Variants in ATP6V0A4 observed in about 807,000 individuals in gnomAD.
ATP6V0A4 encodes the protein V-type proton ATPase 116 kDa subunit a 4.
ATP6V0A4 carries 86 observed loss-of-function variants against 107.3 expected under a neutral mutation model. That is an observed-to-expected ratio of 0.80 (90% CI 0.67 to 0.96). ATP6V0A4 has a LOEUF of 0.96. Ranked by LOEUF, ATP6V0A4 falls within the 40% of genes least tolerant of loss-of-function variation. The pLI, the probability that ATP6V0A4 is intolerant of heterozygous loss-of-function variation, is 0.00. For missense variants in ATP6V0A4, 908 were observed against 1,045.6 expected, an observed-to-expected ratio of 0.87 and a Z score of 1.81; for synonymous variants, 353 against 381.4, an observed-to-expected ratio of 0.93 and a Z score of 0.87.
intron 2 of ATP6V0A4, among the ~76,000 whole-genome samples, chr7:138,785,275 T>A (rs539713643): frequency 7.6e-6 from 1 of 131,200 alleles, no homozygotes; most frequent in African/African-American, 2.9e-5. Context: ...CACTTTCTTT[T>A]TTCTTTTTTT....
At chr7:138,783,547 G>C (rs1423250758) in intron 2 of ATP6V0A4, among the ~76,000 whole-genome samples, 1 of 152,082 alleles carries the variant, frequency 6.6e-6, no homozygotes, top group Non-Finnish European at 1.5e-5. Context: ...GCAGCATAGT[G>C]AGAAATCATC....
At position 138,759,582 on chromosome 7, in the gene ATP6V0A4, T is replaced by C. The variant is rs532688331; in HGVS notation, c.639+170A>G. Among the ~76,000 whole-genome samples, 83 of 152,122 alleles carry C rather than the reference T, an allele frequency of 5.5e-4. No individual in the cohort carries two copies. The Middle Eastern group carries it at 0.01, about 19-fold the overall frequency. The stretch of plus-strand genomic sequence containing the variant: ...AGTCCTTGAACTGACCTTTCAAATA[T>C]ATATTTTTAAAAAGGAACAAAGTAA... On this transcript the variant is annotated intron_variant, in intron 8 of 21. Transcript: ENST00000310018.
intron 18 of ATP6V0A4, among the ~76,000 whole-genome samples, chr7:138,725,247 G>A (rs1051854028): frequency 6.6e-6 from 1 of 152,170 alleles, no homozygotes; most frequent in African/African-American, 2.4e-5. Flanking sequence ...CTGGGCAACA[G>A]AGCAAGACCC....
intron 11 of ATP6V0A4, among the ~76,000 whole-genome samples, chr7:138,751,490 A>G (rs1272917081): frequency 6.6e-6 from 1 of 151,346 alleles, no homozygotes; most frequent in African/African-American, 2.4e-5. Flanking sequence ...GATCAGAACA[A>G]GCCCCCACTC....
chr7:138,767,158 T>C (rs1289340758), intron 5 of ATP6V0A4, among the ~76,000 whole-genome samples: 1 of 152,246 alleles, frequency 6.6e-6, no homozygotes, highest in Non-Finnish European at 1.5e-5. Context: ...GAGACATTAT[T>C]GTTATTTTCA....
chr7:138,792,772 T>TG lies in ATP6V0A4; in HGVS notation c.-121+5261_-121+5262insC, dbSNP rs769047917. On this transcript the variant is annotated intron_variant, in intron 1 of 21. Coordinates refer to ENST00000310018, the MANE Select transcript of ATP6V0A4 (RefSeq NM_020632.3). ...CATCACCAAACTCAGGTTTGTTTTT[T>TG]TTTTTGTTGTTTTGTTTTTTTTTTT... 1.2e-3 allele frequency among the ~76,000 whole-genome samples: 140 copies of TG among 115,262 alleles called. 1 individual carries two copies. Among genetic ancestry groups the TG allele is most frequent in the African/African-American group, 1.9e-3 (46 of 23,668 alleles). 75.6% of individuals were successfully genotyped at this position (115,262 alleles called of 152,430 possible). A position where few individuals can be genotyped will look rare whatever the true frequency, so the allele number is the denominator to read the frequency against.
chr7:138,798,067 C>G lies in ATP6V0A4; in HGVS notation c.-154G>C. On this transcript the variant is annotated 5_prime_UTR_variant, in exon 1 of 22. Transcript: ENST00000310018. ...GGCACTCGGCACAACTCCGCAGGACCGGCTCACCTGCACCGGGCACTCAGC... is the reference window on the plus strand; with the variant it reads ...GGCACTCGGCACAACTCCGCAGGACGGGCTCACCTGCACCGGGCACTCAGC... The G allele has an allele frequency of 1.3e-6, 2 of 1,570,992 alleles. No individual in the cohort carries two copies. Among genetic ancestry groups the G allele is most frequent in the Non-Finnish European group, 1.7e-6 (2 of 1,158,564 alleles).
intron 2 of ATP6V0A4, among the ~76,000 whole-genome samples, chr7:138,781,300 T>G (rs1173914918): frequency 1.3e-5 from 2 of 152,120 alleles, no homozygotes; most frequent in African/African-American, 4.8e-5. Context: ...AAAGCTTTTT[T>G]TGGTTGATTC....
intron 5 of ATP6V0A4, among the ~76,000 whole-genome samples, chr7:138,767,493 AGCCTGG>A (rs1442402645): frequency 6.6e-5 from 10 of 151,160 alleles, no homozygotes; most frequent in South Asian, 4.1e-4. Context: ...ACTGCACTCC[AGCCTGG>A]GCAACAGAGC....
chr7:138,787,468 A>G (rs1287747729), intron 1 of ATP6V0A4, among the ~76,000 whole-genome samples: 7 of 152,092 alleles, frequency 4.6e-5, no homozygotes, highest in Non-Finnish European at 5.9e-5. Flanking sequence ...TTCCCAACCA[A>G]CAAACCTAGA....
At chr7:138,725,664 C>A (rs1411431241) in intron 18 of ATP6V0A4, among the ~76,000 whole-genome samples, 2 of 152,154 alleles carry the variant, frequency 1.3e-5, no homozygotes, top group Admixed American at 6.6e-5. Context: ...AAGGCACTCA[C>A]CACCACGCCG....
At chr7:138,710,596 A>G (rs188305528) in intron 20 of ATP6V0A4, among the ~76,000 whole-genome samples, 1 of 152,362 alleles carries the variant, frequency 6.6e-6, no homozygotes, top group East Asian at 1.9e-4. Flanking sequence ...TATATTTCAA[A>G]GTAAAAATGT....
At position 138,718,761 on chromosome 7, in the gene ATP6V0A4, TG is replaced by T. The variant is rs540181627; in HGVS notation, c.2140-2881del. ...GTGCAGTCACTGATGTCAGAGGTTA[TG>T]GGGACAAGATAAAAATGAGAACCTC... On this transcript the variant is annotated intron_variant, in intron 19 of 21. Coordinates refer to ENST00000310018, the MANE Select transcript of ATP6V0A4 (RefSeq NM_020632.3). 1.7e-3 allele frequency among the ~76,000 whole-genome samples: 245 copies of T among 148,302 alleles called. 1 individual carries two copies. Among genetic ancestry groups the T allele is most frequent in the South Asian group, 0.013 (60 of 4,612 alleles).
In ATP6V0A4 at chr7:138,734,187, A is replaced by G. The variant is rs745991559; in HGVS notation, c.1640T>C (p.Leu547Pro). ...ACCGAAAACCATCTGGACAATTCCC[A>G]GGATCACCGACATCTTCATTTTATA... is the stretch of plus-strand genomic sequence containing the variant. ...NSYKMKMSVI[L>P]GIVQMVFGVI... Residue 547 changes from leucine (L) to proline (P), a missense_variant, in exon 16 of 22, where the codon CTG (leucine) becomes CCG (proline). Physicochemically the swap from Leu to Pro is moderately conservative, Grantham distance 98. Coordinates refer to ENST00000310018, the MANE Select transcript of ATP6V0A4 (RefSeq NM_020632.3). 6.2e-7 allele frequency: 1 copy of G among 1,613,828 alleles called. No individual in the cohort carries two copies. Among genetic ancestry groups the G allele is most frequent in the East Asian group, 2.2e-5 (1 of 44,872 alleles).
intron 5 of ATP6V0A4, among the ~76,000 whole-genome samples, chr7:138,763,748 G>A (rs1301066314): frequency 6.6e-6 from 1 of 152,026 alleles, no homozygotes; most frequent in East Asian, 1.9e-4. Flanking sequence ...ACTTTGGGAG[G>A]CTGAGGCAAG....
At chr7:138,714,093 A>C (rs913091306) in intron 20 of ATP6V0A4, among the ~76,000 whole-genome samples, 4 of 151,648 alleles carry the variant, frequency 2.6e-5, no homozygotes, top group Non-Finnish European at 5.9e-5. Context: ...AAAAAAAAAA[A>C]AATTGGCCCA....
intron 10 of ATP6V0A4, 59 bp from the exon 11 acceptor site, chr7:138,752,896 T>C: frequency 1.9e-6 from 3 of 1,598,230 alleles, no homozygotes; most frequent in South Asian, 2.2e-5. Context: ...TTTGACAAGG[T>C]GCCAAAAATG....
rs192499318 is a variant in ATP6V0A4, at chr7:138,707,804, T to C, written c.2430-1087A>G. ...CCAGGCCTCTCTGCTTGTGGGCTCA[T>C]GGTCACAGCATAACAACTCTTCCTT... is the stretch of plus-strand genomic sequence containing the variant. On this transcript the variant is annotated intron_variant, in intron 21 of 21. Transcript: ENST00000310018. Among the ~76,000 whole-genome samples the C allele has an allele frequency of 4.5e-3, 676 of 151,080 alleles. 8 individuals carry two copies. Among genetic ancestry groups the C allele is most frequent in the South Asian group, 0.027 (128 of 4,748 alleles).
intron 21 of ATP6V0A4, among the ~76,000 whole-genome samples, chr7:138,707,478 T>C (rs1243746473): frequency 7.0e-6 from 1 of 142,750 alleles, no homozygotes; most frequent in Admixed American, 8.0e-5. Flanking sequence ...CTCAGCTCAC[T>C]GCAACCTCTG....
Sources: allele counts gnomAD v4.1 joint callset (sites outside exome capture counted in the v4.1 genomes callset), GRCh38; gene constraint gnomAD v4.1.1; transcripts MANE v1.5; gene names NCBI Gene and HGNC (gene_info 2026-07-23, HGNC 2026-07-21).